The following NRK variants were observed in gnomAD, a reference collection of about 807,000 sequenced individuals.
NRK encodes Nik related kinase.
Under a neutral mutation model 125.2 loss-of-function variants are expected in NRK, and 67 were observed. The observed-to-expected ratio is 0.54, with a 90% confidence interval of 0.44 to 0.66. The LOEUF (loss-of-function observed/expected upper bound fraction) is 0.66, where lower values mean the gene tolerates loss of function less well. NRK is among the 30% of genes least tolerant of loss of function. The pLI is 0.00. For missense variants in NRK, 1,224 were observed against 1,192.9 expected, an observed-to-expected ratio of 1.03 and a Z score of -0.38; for synonymous variants, 458 against 429.0, an observed-to-expected ratio of 1.07 and a Z score of -0.84.
At chrX:105,823,960 G>C (rs1051207445) in intron 1 of NRK, among the ~76,000 whole-genome samples, 6 of 112,188 alleles carry the variant, frequency 5.3e-5, no homozygotes, top group Non-Finnish European at 1.1e-4. Flanking sequence ...ATTCAAAGTC[G>C]ATTGACTTAA....
In NRK at chrX:105,840,347, A is replaced by C. The variant is rs1400996049; in HGVS notation, c.123+9228A>C. 2.7e-5 allele frequency among the ~76,000 whole-genome samples: 3 copies of C among 111,977 alleles called. No homozygotes were observed. The East Asian group carries it at 8.4e-4, about 31-fold the overall frequency. On this transcript the variant is annotated intron_variant, in intron 2 of 28. Transcript: ENST00000243300. ...ACAGATATATATTGGGAAGTAATTC[A>C]AATTATGTATTTGGTGTATTTGGGT...
At chrX:105,894,210 G>T (rs1602647135) in intron 6 of NRK, among the ~76,000 whole-genome samples, 1 of 111,599 alleles carries the variant, frequency 9.0e-6, no homozygotes, top group Non-Finnish European at 1.9e-5. Context: ...TCATGGAAAT[G>T]ACCACTTGGA....
At chrX:105,869,780 C>T (rs2039718724) in intron 2 of NRK, among the ~76,000 whole-genome samples, 1 of 111,995 alleles carries the variant, frequency 8.9e-6, no homozygotes, top group South Asian at 3.7e-4. Context: ...ACCCATCTGT[C>T]TCAGTGCTTT....
chrX:105,865,811 T>C (rs1198057539), intron 2 of NRK, among the ~76,000 whole-genome samples: 1 of 110,821 alleles, frequency 9.0e-6, no homozygotes, highest in Non-Finnish European at 1.9e-5. Context: ...TTGTAGGCAT[T>C]GCTATATCAA....
In NRK at chrX:105,917,632, A is replaced by G. The variant is rs1233346700; in HGVS notation, c.2472A>G (p.Gln824=). 1.7e-6 allele frequency: 2 copies of G among 1,166,219 alleles called. No homozygotes were observed. Among genetic ancestry groups the G allele is most frequent in the East Asian group, 3.1e-5 (1 of 31,945 alleles). The part of the protein sequence containing the change: ...EQAQKPIDIR[Q]RSSQNRQNWL... The stretch of plus-strand genomic sequence containing the variant: ...CTCAGAAGCCCATTGACATCAGACA[A>G]AGGAGTTCGCAAAATCGTCAAAATT... Residue 824 remains glutamine, a synonymous_variant, in exon 16 of 29, where the codon CAA becomes CAG. Coordinates refer to ENST00000243300, the MANE Select transcript of NRK (RefSeq NM_198465.4).
intron 2 of NRK, among the ~76,000 whole-genome samples, chrX:105,835,655 G>C (rs1415598414): frequency 9.4e-6 from 1 of 105,924 alleles, no homozygotes. Flanking sequence ...CCTTTCCCCA[G>C]CTGCAGTAGG....
intron 22 of NRK, 30 bp downstream of exon 22, chrX:105,937,612 A>G (rs771108941): frequency 2.7e-6 from 3 of 1,095,338 alleles, no homozygotes; most frequent in East Asian, 6.1e-5. Context: ...TTAGCTGAGT[A>G]ATTATGCAGA....
intron 2 of NRK, among the ~76,000 whole-genome samples, chrX:105,856,785 G>A (rs1252167417): frequency 9.0e-6 from 1 of 111,654 alleles, no homozygotes; most frequent in East Asian, 2.8e-4. Flanking sequence ...AAAGTTATTT[G>A]ACCCAACATG....
intron 14 of NRK, among the ~76,000 whole-genome samples, chrX:105,914,342 C>T (rs1164672240): frequency 9.0e-6 from 1 of 110,898 alleles, no homozygotes; most frequent in Non-Finnish European, 1.9e-5. Context: ...ATGTCTTTTT[C>T]TTTGCCTTAT....
At chrX:105,835,782 G>C (rs1252354906) in intron 2 of NRK, among the ~76,000 whole-genome samples, 1 of 110,011 alleles carries the variant, frequency 9.1e-6, no homozygotes, top group Non-Finnish European at 1.9e-5. Flanking sequence ...CACTGCAGTG[G>C]CTTCTCATCT....
intron 2 of NRK, among the ~76,000 whole-genome samples, chrX:105,850,246 A>T (rs1188313138): frequency 8.9e-6 from 1 of 111,883 alleles, no homozygotes; most frequent in African/African-American, 3.2e-5. Context: ...TGGCCCCTTT[A>T]AGCTATAGCT....
chrX:105,933,774 A>G (rs1421421830), intron 19 of NRK, among the ~76,000 whole-genome samples: 1 of 112,217 alleles, frequency 8.9e-6, no homozygotes, highest in Non-Finnish European at 1.9e-5. Context: ...GCTGTTTGGC[A>G]TAGCATAGCT....
At chrX:105,892,041 T>C (rs1284204919) in intron 5 of NRK, among the ~76,000 whole-genome samples, 1 of 111,980 alleles carries the variant, frequency 8.9e-6, no homozygotes. Context: ...ACTCAGTTCA[T>C]TCAGGCATTC....
chrX:105,913,540 G>T (rs963274034), intron 14 of NRK, among the ~76,000 whole-genome samples: 4 of 111,548 alleles, frequency 3.6e-5, no homozygotes, highest in African/African-American at 1.3e-4. Flanking sequence ...TCAAGTGCTT[G>T]GTGGGAGATA....
intron 27 of NRK, among the ~76,000 whole-genome samples, chrX:105,952,728 T>C (rs1283685551): frequency 8.9e-6 from 1 of 112,007 alleles, no homozygotes; most frequent in Non-Finnish European, 1.9e-5. Context: ...TCACAATGTC[T>C]ACAAATGGGA....
intron 2 of NRK, among the ~76,000 whole-genome samples, chrX:105,835,628 C>CTT (rs111584644): frequency 1.0e-4 from 10 of 97,416 alleles, no homozygotes; most frequent in Non-Finnish European, 1.7e-4. Context: ...AATTGGAGGA[C>CTT]TTTTTTTTTT....
chrX:105,916,543 G>A (rs975591721), intron 15 of NRK, among the ~76,000 whole-genome samples: 7 of 111,327 alleles, frequency 6.3e-5, no homozygotes, highest in South Asian at 3.7e-4. Flanking sequence ...GCCAGATGGC[G>A]TACAGTTAAT....
Position 105,934,361 on chromosome X carries a change from C to G in NRK, c.3416C>G (p.Thr1139Arg). The G allele has an allele frequency of 8.3e-7, 1 of 1,202,183 alleles. No individual in the cohort carries two copies. Among genetic ancestry groups the G allele is most frequent in the Non-Finnish European group, 1.1e-6 (1 of 887,270 alleles). ...AATAAGGACATATCAGAATCATCAACACAATCAGATTTTTCTGCCAATCAC... is the reference window on the plus strand; with the variant it reads ...AATAAGGACATATCAGAATCATCAAGACAATCAGATTTTTCTGCCAATCAC... ...SDNKDISESS[T>R]QSDFSANHSS... Residue 1139 changes from threonine (T) to arginine (R), a missense_variant, in exon 20 of 29, where the codon ACA (threonine) becomes AGA (arginine). Coordinates refer to ENST00000243300, the MANE Select transcript of NRK (RefSeq NM_198465.4).
chrX:105,946,228 T>C (rs903768960), intron 25 of NRK, 87 bp from the exon 26 acceptor site: 6 of 897,211 alleles, frequency 6.7e-6, no homozygotes, highest in Middle Eastern at 3.0e-4. Flanking sequence ...TGTACACTTA[T>C]AAACCTGACA....
Sources: allele counts gnomAD v4.1 joint callset (sites outside exome capture counted in the v4.1 genomes callset), GRCh38; gene constraint gnomAD v4.1.1; transcripts MANE v1.5; gene names NCBI Gene and HGNC (gene_info 2026-07-23, HGNC 2026-07-21).